SLC24A2: variants seen among roughly 807,000 people sequenced by gnomAD.
SLC24A2 encodes solute carrier family 24 member 2.
A neutral mutation model predicts 62.0 loss-of-function variants in SLC24A2; 36 were observed. That is an observed-to-expected ratio of 0.58 (90% confidence interval 0.44 to 0.77). SLC24A2 has a LOEUF of 0.77. Among genes scored for constraint, SLC24A2 ranks in the 30% least tolerant of loss-of-function variants. SLC24A2 has a pLI of 0.00. For synonymous variants in SLC24A2, 358 were observed against 294.0 expected, an observed-to-expected ratio of 1.22 and a Z score of -2.23; for missense variants, 846 against 817.9, an observed-to-expected ratio of 1.03 and a Z score of -0.42.
chr9:19,895,900 G>C, the SLC24A2 span: 1 of 1,613,484 alleles, frequency 6.2e-7, no homozygotes, highest in Non-Finnish European at 8.5e-7. Flanking sequence ...GCGCCGGGCA[G>C]GGTCAAATTC....
the SLC24A2 span, among the ~76,000 whole-genome samples, chr9:20,204,672 C>CA: frequency 6.6e-6 from 1 of 150,796 alleles, no homozygotes; most frequent in Non-Finnish European, 1.5e-5. Flanking sequence ...GACATACTTA[C>CA]AATGAAACAA....
chr9:19,801,444 G>C, the SLC24A2 span, among the ~76,000 whole-genome samples: 1 of 152,184 alleles, frequency 6.6e-6, no homozygotes, highest in South Asian at 2.1e-4. Context: ...GTGGTGGACG[G>C]TGAGCAAAAG....
chr9:19,855,815 A>T, the SLC24A2 span, among the ~76,000 whole-genome samples: 1 of 152,298 alleles, frequency 6.6e-6, no homozygotes, highest in African/African-American at 2.4e-5. Context: ...GGAATTCCTG[A>T]ATTTGAATGT....
At chr9:19,548,939 G>A (rs892648429) in intron 8 of SLC24A2, among the ~76,000 whole-genome samples, 1 of 152,216 alleles carries the variant, frequency 6.6e-6, no homozygotes, top group African/African-American at 2.4e-5. Flanking sequence ...TGTTGAATGA[G>A]TTTGTGTGTG....
the SLC24A2 span, among the ~76,000 whole-genome samples, chr9:19,830,985 G>A: frequency 1.1e-4 from 16 of 152,134 alleles, no homozygotes; most frequent in African/African-American, 1.4e-4. Flanking sequence ...GCAGTGTTGC[G>A]ACATCCTCCA....
At chr9:19,784,254 T>C (rs1823096417) in intron 2 of SLC24A2, among the ~76,000 whole-genome samples, 1 of 152,280 alleles carries the variant, frequency 6.6e-6, no homozygotes, top group South Asian at 2.1e-4. Context: ...CATCTTCCAC[T>C]CCACTAAACC....
the SLC24A2 span, among the ~76,000 whole-genome samples, chr9:20,291,020 C>A: frequency 2.6e-5 from 4 of 152,272 alleles, no homozygotes; most frequent in South Asian, 8.3e-4. Context: ...GGATTTCAGC[C>A]CCACTCACCC....
At chr9:19,897,076 A>G in the SLC24A2 span, among the ~76,000 whole-genome samples, 24 of 152,332 alleles carry the variant, frequency 1.6e-4, 1 homozygote, top group East Asian at 9.6e-4. Flanking sequence ...AGCCTTCTTC[A>G]TAGTAATTGA....
chr9:20,256,021 A>T, the SLC24A2 span, among the ~76,000 whole-genome samples: 1 of 152,192 alleles, frequency 6.6e-6, no homozygotes, highest in African/African-American at 2.4e-5. Context: ...CATTCTTTAT[A>T]TATAATCCCA....
the SLC24A2 span, among the ~76,000 whole-genome samples, chr9:19,945,643 A>G: frequency 6.6e-6 from 1 of 152,090 alleles, no homozygotes; most frequent in Non-Finnish European, 1.5e-5. Flanking sequence ...TCCTCACGAT[A>G]CTCCTTTGAA....
the SLC24A2 span, among the ~76,000 whole-genome samples, chr9:20,050,065 A>AT: frequency 6.6e-6 from 1 of 152,026 alleles, no homozygotes; most frequent in East Asian, 1.9e-4. Flanking sequence ...GGTATGAAAT[A>AT]TATCTGTTAT....
chr9:20,300,394 A>G, the SLC24A2 span, among the ~76,000 whole-genome samples: 1 of 152,174 alleles, frequency 6.6e-6, no homozygotes, highest in Admixed American at 6.5e-5. Context: ...TTTTCTATAA[A>G]ATGGCCTTGT....
At chr9:19,548,230 C>T (rs573364157) in intron 8 of SLC24A2, among the ~76,000 whole-genome samples, 2 of 147,536 alleles carry the variant, frequency 1.4e-5, no homozygotes, top group South Asian at 4.1e-4. Context: ...TGGAAGTTAT[C>T]AAAATATTCT....
At chr9:20,232,778 C>A in the SLC24A2 span, among the ~76,000 whole-genome samples, 3 of 152,014 alleles carry the variant, frequency 2.0e-5, no homozygotes, top group Admixed American at 2.0e-4. Context: ...CTTCTGCTAG[C>A]TTTTGAATGT....
chr9:20,037,768 C>T, the SLC24A2 span, among the ~76,000 whole-genome samples: 1 of 152,004 alleles, frequency 6.6e-6, no homozygotes, highest in South Asian at 2.1e-4. Flanking sequence ...GTTTATGACT[C>T]GGAAGAAGGA....
upstream of SLC24A2, among the ~76,000 whole-genome samples, chr9:19,792,536 CAA>C (rs1165695410): frequency 0.09 from 6,742 of 74,658 alleles, 490 homozygotes; most frequent in African/African-American, 0.28. Flanking sequence ...ACTAAAAATA[CAA>C]AAAAAAAAAA....
the SLC24A2 span, among the ~76,000 whole-genome samples, chr9:19,989,418 G>A: frequency 1.3e-5 from 2 of 152,072 alleles, no homozygotes; most frequent in South Asian, 2.1e-4. Context: ...TAAAAAACAT[G>A]AGTGCACTAC....
At chr9:20,251,552 G>A in the SLC24A2 span, among the ~76,000 whole-genome samples, 4 of 152,234 alleles carry the variant, frequency 2.6e-5, no homozygotes, top group African/African-American at 7.2e-5. Context: ...TAGGGAGGAT[G>A]GGAGCTATTT....
the SLC24A2 span, among the ~76,000 whole-genome samples, chr9:19,900,557 T>C: frequency 6.6e-5 from 10 of 152,230 alleles, no homozygotes; most frequent in Non-Finnish European, 1.5e-4. Flanking sequence ...TTATCTCTTA[T>C]GAGTCTCAGT....
Sources: allele counts gnomAD v4.1 joint callset (sites outside exome capture counted in the v4.1 genomes callset), GRCh38; gene constraint gnomAD v4.1.1; transcripts MANE v1.5; gene names NCBI Gene and HGNC (gene_info 2026-07-23, HGNC 2026-07-21).